SBF2: variants seen among roughly 807,000 people sequenced by gnomAD.
SBF2 encodes the protein SET binding factor 2.
In SBF2, 112 loss-of-function variants were observed where a neutral mutation model predicts 225.2. That is an observed-to-expected ratio of 0.50 (90% CI 0.43 to 0.58). The LOEUF is 0.58. Among genes scored for constraint, SBF2 ranks in the 20% least tolerant of loss-of-function variants. The pLI is 0.00. For missense variants in SBF2, 1,996 were observed against 2,206.2 expected (o/e 0.90, Z 1.91); for synonymous variants, 763 against 773.3 (o/e 0.99, Z 0.22).
At chr11:9,931,099 G>A (rs551931101) in intron 16 of SBF2, among the ~76,000 whole-genome samples, 1 of 152,352 alleles carries the variant, frequency 6.6e-6, no homozygotes, top group South Asian at 2.1e-4. Context: ...AAAGAAACCA[G>A]GAAGCTCGAA....
intron 2 of SBF2, among the ~76,000 whole-genome samples, chr11:10,048,691 A>G (rs1171284300): frequency 6.6e-6 from 1 of 152,226 alleles, no homozygotes; most frequent in African/African-American, 2.4e-5. Flanking sequence ...GAGTTTTGTA[A>G]TATTTTAAGA....
rs184007821 is a variant in SBF2, at chr11:9,891,625, T to A, written c.1929+4318A>T. ...AACAACAAACATAAGTATAAAAGAT[T>A]ACATTATTTTTCACAGTAAAAGTAA... On this transcript the variant is annotated intron_variant, in intron 17 of 39. Coordinates refer to ENST00000256190, the MANE Select transcript of SBF2 (RefSeq NM_030962.4). Among the ~76,000 whole-genome samples the A allele has an allele frequency of 6.7e-4, 102 of 152,306 alleles. 1 individual carries two copies. The highest frequency in any genetic ancestry group is 2.4e-3 in the African/African-American group (99 of 41,574).
intron 6 of SBF2, among the ~76,000 whole-genome samples, chr11:10,027,486 A>G (rs1052305765): frequency 2.6e-5 from 4 of 152,178 alleles, no homozygotes; most frequent in Non-Finnish European, 5.9e-5. Flanking sequence ...GGGAAGCAAG[A>G]GGGTAGAATT....
chr11:10,118,793 A>C (rs568753564), intron 2 of SBF2, among the ~76,000 whole-genome samples: 4 of 152,174 alleles, frequency 2.6e-5, no homozygotes, highest in Admixed American at 2.6e-4. Flanking sequence ...GAACATTAGA[A>C]AATCTCAAAC....
intron 2 of SBF2, among the ~76,000 whole-genome samples, chr11:10,043,884 T>C (rs916892872): frequency 1.3e-5 from 2 of 152,196 alleles, no homozygotes; most frequent in African/African-American, 4.8e-5. Flanking sequence ...AAACAATACT[T>C]TTTAAATAAC....
chr11:10,005,315 T>G (rs1049634091), intron 6 of SBF2, among the ~76,000 whole-genome samples: 19 of 152,180 alleles, frequency 1.2e-4, no homozygotes, highest in African/African-American at 4.6e-4. Context: ...GTAAACACAC[T>G]GCACATGTGC....
chr11:9,835,737 G>A (rs976438041), intron 26 of SBF2, among the ~76,000 whole-genome samples: 1 of 149,508 alleles, frequency 6.7e-6, no homozygotes, highest in African/African-American at 2.5e-5. Context: ...ATTCTTTCAT[G>A]TTTGGCTTCT....
At chr11:10,190,793 T>C (rs552311800) in intron 2 of SBF2, among the ~76,000 whole-genome samples, 1 of 152,320 alleles carries the variant, frequency 6.6e-6, no homozygotes, top group South Asian at 2.1e-4. Context: ...CACAGCCTTC[T>C]CTTAACATTT....
intron 16 of SBF2, among the ~76,000 whole-genome samples, chr11:9,915,175 G>A (rs189627353): frequency 3.9e-5 from 6 of 152,264 alleles, no homozygotes; most frequent in Non-Finnish European, 7.4e-5. Context: ...AAGGCCGGGT[G>A]CAGTGGCTCA....
chr11:9,778,717 CTGAG>C lies in SBF2; in HGVS notation c.*1697_*1700del, dbSNP rs1438706780. On this transcript the variant is annotated 3_prime_UTR_variant, in exon 40 of 40. Coordinates refer to ENST00000256190, the MANE Select transcript of SBF2 (RefSeq NM_030962.4). ...GAACCTTTAGTCCCATGTATGAATC[CTGAG>C]TGTTACCCTCCTGAATGCTGTGCAC... 6.6e-6 allele frequency: 1 copy of C among 152,600 alleles called. No homozygotes were observed. Among genetic ancestry groups the C allele is most frequent in the African/African-American group, 2.4e-5 (1 of 41,438 alleles). 9.5% of individuals were successfully genotyped at this position (152,600 alleles called of 1,614,324 possible). A position where few individuals can be genotyped will look rare whatever the true frequency, so the allele number is the denominator to read the frequency against.
intron 29 of SBF2, among the ~76,000 whole-genome samples, chr11:9,814,699 A>C (rs1356424514): frequency 1.3e-5 from 2 of 152,214 alleles, no homozygotes; most frequent in Non-Finnish European, 2.9e-5. Context: ...GTTCCTTTCT[A>C]TTATTTTTAA....
chr11:9,780,636 G>A, intron 39 of SBF2, 120 bp from the exon 40 acceptor site: 1 of 800,108 alleles, frequency 1.2e-6, no homozygotes, highest in South Asian at 1.4e-5. Context: ...ACGTCTGTAT[G>A]AATTTTTCTT....
chr11:9,935,482 G>A (rs1011237540), intron 16 of SBF2, among the ~76,000 whole-genome samples: 50 of 152,032 alleles, frequency 3.3e-4, no homozygotes, highest in African/African-American at 1.1e-3. Context: ...AACCAAAAAA[G>A]GAGCCCACAT....
At chr11:10,258,069 A>AACTATGAATCTCTAAGAGGTATC (rs1961028539) in intron 1 of SBF2, among the ~76,000 whole-genome samples, 2 of 125,106 alleles carry the variant, frequency 1.6e-5, no homozygotes, top group Non-Finnish European at 3.3e-5. Flanking sequence ...AAGAGGTATA[A>AACTATGAATCTCTAAGAGGTATC]ATACACACAC....
intron 6 of SBF2, among the ~76,000 whole-genome samples, chr11:10,006,381 A>C (rs1730924594): frequency 6.6e-6 from 1 of 152,068 alleles, no homozygotes; most frequent in African/African-American, 2.4e-5. Context: ...CACTAATTGG[A>C]TCCCCAGTCA....
intron 1 of SBF2, among the ~76,000 whole-genome samples, chr11:10,201,158 T>C (rs1289947234): frequency 6.6e-6 from 1 of 152,214 alleles, no homozygotes; most frequent in Non-Finnish European, 1.5e-5. Context: ...GGTACATGTA[T>C]TGATTTACTC....
At chr11:10,126,493 A>T (rs1953763679) in intron 2 of SBF2, among the ~76,000 whole-genome samples, 1 of 152,150 alleles carries the variant, frequency 6.6e-6, no homozygotes, top group Admixed American at 6.5e-5. Context: ...ACAGCAATAG[A>T]AGGCTGGAAA....
chr11:9,785,090 G>C, intron 37 of SBF2, 35 bp downstream of exon 37: 3 of 1,598,618 alleles, frequency 1.9e-6, no homozygotes, highest in Non-Finnish European at 2.6e-6. Context: ...CTGTGGGGAA[G>C]TCTTCAGCAC....
rs5789633 is a variant in SBF2, at chr11:10,292,678, C to CAA, written c.55+1335_55+1336dup. On this transcript the variant is annotated intron_variant, in intron 1 of 39. Transcript: ENST00000256190. ...TGGGCAACAGAGCAAAACTCCGTCTCAAAAAAAAAAAAAAAAAAAATTGTT... is the reference window on the plus strand; with the variant it reads ...TGGGCAACAGAGCAAAACTCCGTCTCAAAAAAAAAAAAAAAAAAAAAATTGTT... Among the ~76,000 whole-genome samples the CAA allele has an allele frequency of 3.4e-3, 292 of 85,748 alleles. 1 individual carries two copies. Among genetic ancestry groups the CAA allele is most frequent in the African/African-American group, 0.011 (254 of 22,424 alleles). 56.3% of individuals were successfully genotyped at this position (85,748 alleles called of 152,430 possible).
Sources: gnomAD v4.1 joint callset for allele counts (sites outside exome capture counted in the v4.1 genomes callset) on GRCh38, gnomAD v4.1.1 for gene constraint, MANE v1.5 for transcripts, NCBI Gene and HGNC (gene_info 2026-07-23, HGNC 2026-07-21) for gene names.